FSTL5: variants seen among roughly 807,000 people sequenced by gnomAD.
FSTL5 encodes the protein follistatin like 5.
Under a neutral mutation model 89.1 loss-of-function variants are expected in FSTL5, and 62 were observed. That is an observed-to-expected ratio of 0.70 (90% CI 0.57 to 0.86). FSTL5 has a LOEUF of 0.86. Ranked by LOEUF, FSTL5 falls within the 40% of genes least tolerant of loss-of-function variation. FSTL5 has a pLI of 0.00. For missense variants in FSTL5, 1,057 were observed against 1,001.6 expected, an observed-to-expected ratio of 1.06 and a Z score of -0.75; for synonymous variants, 383 against 346.2, an observed-to-expected ratio of 1.11 and a Z score of -1.18.
rs1258829146 is a variant in FSTL5 at position 161,760,133 on chromosome 4, C to T, written c.607-602G>A. Among the ~76,000 whole-genome samples, 3 of 152,250 alleles carry T rather than the reference C, an allele frequency of 2.0e-5. No individual in the cohort carries two copies. In the East Asian group the frequency reaches 5.8e-4, roughly 29 times the overall value. The stretch of plus-strand genomic sequence containing the variant: ...CCAGGAGCTAGATAGAATTAATGCA[C>T]CGATTGATGATGAAAATCTATCCAG... On this transcript the variant is annotated intron_variant, in intron 5 of 15. Transcript: ENST00000306100.
At chr4:161,747,189 T>C (rs1740230707) in intron 6 of FSTL5, among the ~76,000 whole-genome samples, 1 of 152,204 alleles carries the variant, frequency 6.6e-6, no homozygotes, top group African/African-American at 2.4e-5. Context: ...GACTATGAAA[T>C]TAAATGTGAC....
intron 5 of FSTL5, among the ~76,000 whole-genome samples, chr4:161,771,221 A>C (rs1161854285): frequency 6.6e-6 from 1 of 152,100 alleles, no homozygotes; most frequent in Non-Finnish European, 1.5e-5. Flanking sequence ...CACTATTTCA[A>C]GAATATGCCT....
intron 1 of FSTL5, among the ~76,000 whole-genome samples, chr4:162,160,714 T>C (rs1047609532): frequency 2.4e-4 from 36 of 151,778 alleles, no homozygotes; most frequent in African/African-American, 7.2e-4. Flanking sequence ...GCAAATAACT[T>C]CTTAAATATT....
intron 6 of FSTL5, among the ~76,000 whole-genome samples, chr4:161,685,040 C>T (rs988708077): frequency 2.0e-5 from 3 of 151,850 alleles, no homozygotes; most frequent in East Asian, 1.9e-4. Flanking sequence ...TTTGCTTTGT[C>T]GAAGATCAGT....
chr4:161,523,056 AT>A (rs1731092955), intron 10 of FSTL5, among the ~76,000 whole-genome samples: 1 of 152,138 alleles, frequency 6.6e-6, no homozygotes, highest in Admixed American at 6.5e-5. Context: ...ATTGCCAAGT[AT>A]TTTATAACAT....
chr4:162,002,948 C>T (rs1047036154), intron 3 of FSTL5, among the ~76,000 whole-genome samples: 10 of 151,936 alleles, frequency 6.6e-5, no homozygotes, highest in South Asian at 6.2e-4. Flanking sequence ...ATCGAGACCA[C>T]CCTGGCTAAC....
intron 15 of FSTL5, among the ~76,000 whole-genome samples, chr4:161,407,482 A>G (rs888648094): frequency 6.6e-6 from 1 of 152,176 alleles, no homozygotes; most frequent in African/African-American, 2.4e-5. Flanking sequence ...TCCCCTCCCC[A>G]ACAGTGCCTG....
chr4:161,913,002 T>C (rs987722048), intron 4 of FSTL5, among the ~76,000 whole-genome samples: 2 of 152,130 alleles, frequency 1.3e-5, no homozygotes, highest in East Asian at 3.9e-4. Context: ...ACTTGAAAGA[T>C]ATGATTTAGG....
At chr4:161,824,860 G>A (rs1822092) in intron 4 of FSTL5, among the ~76,000 whole-genome samples, 112,174 of 151,954 alleles carry the variant, frequency 0.74, 41,787 homozygotes, top group East Asian at 0.82. Context: ...GGTTTTCTAG[G>A]TATACTATTT....
chr4:162,012,090 T>A (rs1021081724), intron 3 of FSTL5, among the ~76,000 whole-genome samples: 1 of 152,304 alleles, frequency 6.6e-6, no homozygotes, highest in Admixed American at 6.5e-5. Flanking sequence ...CAGCTCTAAA[T>A]CTCCATGTGA....
Position 162,033,678 on chromosome 4 carries a change from T to C in FSTL5, c.127-20A>G. The stretch of plus-strand genomic sequence containing the variant: ...TTCCTGCTGGAAATAAAACAGAAAA[T>C]AGGTCAAAATATGTAAGTAAATATG... On this transcript the variant is annotated intron_variant, in intron 2 of 15. Transcript: ENST00000306100. 7.2e-7 allele frequency: 1 copy of C among 1,385,624 alleles called. No individual in the cohort carries two copies. The allele number at this position is 1,385,624 out of a possible 1,614,324, so 85.8% of individuals were successfully genotyped here.
At chr4:161,635,974 A>G (rs1023406761) in intron 7 of FSTL5, among the ~76,000 whole-genome samples, 3 of 152,112 alleles carry the variant, frequency 2.0e-5, no homozygotes, top group African/African-American at 7.2e-5. Context: ...GGGAAAAACA[A>G]TCCTTTTTTC....
intron 2 of FSTL5, among the ~76,000 whole-genome samples, chr4:162,066,896 T>C (rs1236556030): frequency 6.6e-6 from 1 of 152,066 alleles, no homozygotes; most frequent in African/African-American, 2.4e-5. Context: ...TAAACATACA[T>C]GTGCATGTGT....
chr4:162,116,400 C>A (rs1307518494), intron 1 of FSTL5, among the ~76,000 whole-genome samples: 3 of 152,214 alleles, frequency 2.0e-5, no homozygotes, highest in Non-Finnish European at 4.4e-5. Context: ...CATATAAAAT[C>A]TCCACGTAGG....
intron 15 of FSTL5, among the ~76,000 whole-genome samples, chr4:161,454,721 T>C (rs1302998817): frequency 6.6e-6 from 1 of 152,162 alleles, no homozygotes; most frequent in Admixed American, 6.5e-5. Flanking sequence ...GTAAGAAAAA[T>C]CTTAATGACA....
chr4:161,754,126 A>T (rs1029072258), intron 6 of FSTL5, among the ~76,000 whole-genome samples: 3 of 150,934 alleles, frequency 2.0e-5, no homozygotes, highest in Non-Finnish European at 4.4e-5. Context: ...AGGTGATTTA[A>T]ATTTTTTTTA....
chr4:162,098,373 C>T (rs1308394312), intron 2 of FSTL5, among the ~76,000 whole-genome samples: 2 of 152,036 alleles, frequency 1.3e-5, no homozygotes, highest in East Asian at 3.9e-4. Context: ...GGGATGATGA[C>T]ATTCTATATC....
intron 4 of FSTL5, among the ~76,000 whole-genome samples, chr4:161,868,869 T>G (rs181277117): frequency 2.4e-3 from 368 of 152,318 alleles, no homozygotes; most frequent in African/African-American, 8.6e-3. Context: ...TTGGGCGTAT[T>G]TAGAAAGCCG....
intron 6 of FSTL5, among the ~76,000 whole-genome samples, chr4:161,703,125 G>T (rs1431800145): frequency 6.6e-6 from 1 of 152,064 alleles, no homozygotes; most frequent in East Asian, 1.9e-4. Flanking sequence ...GAGGCCTCAG[G>T]AGAAACCAAA....
Sources: gnomAD v4.1 joint callset for allele counts (sites outside exome capture counted in the v4.1 genomes callset) on GRCh38, gnomAD v4.1.1 for gene constraint, MANE v1.5 for transcripts, NCBI Gene and HGNC (gene_info 2026-07-23, HGNC 2026-07-21) for gene names.